KCNIP4: variants seen among roughly 807,000 people sequenced by gnomAD.
KCNIP4 encodes Kv channel-interacting protein 4.
Under a neutral mutation model 34.0 loss-of-function variants are expected in KCNIP4, and 12 were observed. That is an observed-to-expected ratio of 0.35 (90% CI 0.23 to 0.57). The LOEUF is 0.57. KCNIP4 is among the 20% of genes least tolerant of loss of function. The pLI, the probability that KCNIP4 is intolerant of heterozygous loss-of-function variation, is 0.83. For missense variants in KCNIP4, 238 were observed against 311.7 expected (o/e 0.76, Z 1.78); for synonymous variants, 124 against 102.2 (o/e 1.21, Z -1.29).
chr4:21,759,581 C>T (rs939418790), intron 1 of KCNIP4, among the ~76,000 whole-genome samples: 1 of 152,078 alleles, frequency 6.6e-6, no homozygotes, highest in African/African-American at 2.4e-5. Context: ...CTTTAACTGA[C>T]CCTGAATATG....
At chr4:20,910,026 C>T (rs1034035932) in intron 1 of KCNIP4, among the ~76,000 whole-genome samples, 1 of 152,140 alleles carries the variant, frequency 6.6e-6, no homozygotes, top group African/African-American at 2.4e-5. Context: ...GTTTAAGCAG[C>T]CACTGGGCAG....
At chr4:20,977,681 T>G (rs747502424) in intron 1 of KCNIP4, among the ~76,000 whole-genome samples, 26 of 152,210 alleles carry the variant, frequency 1.7e-4, no homozygotes, top group Non-Finnish European at 3.5e-4. Context: ...TTAATGAAAT[T>G]TTCAGTGCCA....
intron 3 of KCNIP4, among the ~76,000 whole-genome samples, chr4:20,816,078 G>T (rs545272254): frequency 1.3e-5 from 2 of 151,762 alleles, no homozygotes; most frequent in Non-Finnish European, 2.9e-5. Flanking sequence ...GCGAAACTCC[G>T]TCTCTACTAA....
chr4:21,947,254 C>G (rs1423733070), intron 1 of KCNIP4, among the ~76,000 whole-genome samples: 1 of 152,212 alleles, frequency 6.6e-6, no homozygotes, highest in African/African-American at 2.4e-5. Flanking sequence ...AACATTTGAT[C>G]TCTTAAAGAT....
intron 1 of KCNIP4, among the ~76,000 whole-genome samples, chr4:21,036,044 T>C (rs1229419614): frequency 6.6e-6 from 1 of 152,208 alleles, no homozygotes; most frequent in African/African-American, 2.4e-5. Context: ...GGACTGTGCC[T>C]GAAATTATAT....
rs139339833 is a variant in KCNIP4 at position 21,042,759 on chromosome 4, C to T, written c.62-160050G>A. Among the ~76,000 whole-genome samples the T allele has an allele frequency of 3.6e-3, 546 of 152,206 alleles. 5 individuals are homozygous for T. Among genetic ancestry groups the T allele is most frequent in the Middle Eastern group, 0.01 (3 of 294 alleles). ...CTGATTTGATCGTGCACTACTTACACGTTTTGAAACATCATGTTGTACCCC... is the reference window on the plus strand; with the variant it reads ...CTGATTTGATCGTGCACTACTTACATGTTTTGAAACATCATGTTGTACCCC... On this transcript the variant is annotated intron_variant, in intron 1 of 8. Coordinates refer to ENST00000382152, the MANE Select transcript of KCNIP4 (RefSeq NM_025221.6).
chr4:21,215,268 TTTCAATTAATGAAGATAC>T (rs1457414215), intron 1 of KCNIP4, among the ~76,000 whole-genome samples: 1 of 152,192 alleles, frequency 6.6e-6, no homozygotes, highest in Admixed American at 6.5e-5. Context: ...GTCCTTTTTT[TTTCAATTAATGAAGATAC>T]TTCAATTAGA....
At chr4:21,073,498 CTT>C (rs1453345904) in intron 1 of KCNIP4, among the ~76,000 whole-genome samples, 1 of 152,172 alleles carries the variant, frequency 6.6e-6, no homozygotes, top group South Asian at 2.1e-4. Flanking sequence ...GTACCTGAGA[CTT>C]TGCTGAAGTT....
At chr4:21,398,640 A>T (rs907841079) in intron 1 of KCNIP4, among the ~76,000 whole-genome samples, 7 of 152,324 alleles carry the variant, frequency 4.6e-5, no homozygotes, top group African/African-American at 1.7e-4. Flanking sequence ...CAGAGTACAA[A>T]CTACCCAGAG....
chr4:21,290,172 G>T (rs1161240725), intron 1 of KCNIP4, among the ~76,000 whole-genome samples: 1 of 151,966 alleles, frequency 6.6e-6, no homozygotes, highest in East Asian at 1.9e-4. Context: ...TGACTTCAAG[G>T]TATAAAAATC....
chr4:20,792,605 T>C (rs551988235), intron 3 of KCNIP4, among the ~76,000 whole-genome samples: 180 of 152,242 alleles, frequency 1.2e-3, no homozygotes, highest in African/African-American at 4.0e-3. Context: ...AACCACTCTG[T>C]GTTAGTCAAA....
chr4:21,607,860 C>A (rs930556688), intron 1 of KCNIP4, among the ~76,000 whole-genome samples: 6 of 152,106 alleles, frequency 3.9e-5, no homozygotes, highest in Non-Finnish European at 7.4e-5. Context: ...AGCTGGTGGA[C>A]TCTCTAGTAA....
intron 5 of KCNIP4, among the ~76,000 whole-genome samples, chr4:20,738,655 T>G (rs1441964860): frequency 6.6e-6 from 1 of 152,220 alleles, no homozygotes; most frequent in African/African-American, 2.4e-5. Context: ...ACAGCTCCAG[T>G]CTACAGCTCC....
At chr4:21,251,425 G>A (rs1760690586) in intron 1 of KCNIP4, among the ~76,000 whole-genome samples, 1 of 152,052 alleles carries the variant, frequency 6.6e-6, no homozygotes, top group African/African-American at 2.4e-5. Context: ...CCAGTACCGA[G>A]AACACTGTGG....
At chr4:21,158,844 G>C (rs1753359646) in intron 1 of KCNIP4, among the ~76,000 whole-genome samples, 1 of 152,068 alleles carries the variant, frequency 6.6e-6, no homozygotes, top group Admixed American at 6.6e-5. Flanking sequence ...TTTATTTAAA[G>C]ATGACAGAAC....
chr4:21,448,736 A>G (rs1407982943), intron 1 of KCNIP4, among the ~76,000 whole-genome samples: 2 of 152,128 alleles, frequency 1.3e-5, no homozygotes, highest in Non-Finnish European at 2.9e-5. Flanking sequence ...TCTGCTCAAG[A>G]GATTAGACAT....
At chr4:21,006,323 T>G (rs960951979) in intron 1 of KCNIP4, among the ~76,000 whole-genome samples, 4 of 152,162 alleles carry the variant, frequency 2.6e-5, no homozygotes, top group African/African-American at 9.7e-5. Flanking sequence ...TAGAGGCAGA[T>G]TGGGGAGTTG....
intron 1 of KCNIP4, among the ~76,000 whole-genome samples, chr4:21,494,140 T>G (rs1051603377): frequency 6.6e-6 from 1 of 152,156 alleles, no homozygotes; most frequent in Non-Finnish European, 1.5e-5. Context: ...GTCAGCACAC[T>G]AGGAATCTGA....
chr4:20,966,116 T>A (rs761297293), intron 1 of KCNIP4, among the ~76,000 whole-genome samples: 7 of 152,204 alleles, frequency 4.6e-5, no homozygotes, highest in Non-Finnish European at 8.8e-5. Flanking sequence ...TAGGGATTGC[T>A]GAATATTGGG....
Sources: allele counts gnomAD v4.1 joint callset (sites outside exome capture counted in the v4.1 genomes callset), GRCh38; gene constraint gnomAD v4.1.1; transcripts MANE v1.5; gene names NCBI Gene and HGNC (gene_info 2026-07-23, HGNC 2026-07-21).